The following DLC1 variants were observed in gnomAD, a reference collection of about 807,000 sequenced individuals.
DLC1 encodes the protein DLC1 Rho GTPase activating protein.
DLC1 carries 54 observed loss-of-function variants against 140.3 expected under a neutral mutation model. That is an observed-to-expected ratio of 0.38 (90% CI 0.31 to 0.48). The LOEUF is 0.48. Ranked by LOEUF, DLC1 falls within the 20% of genes least tolerant of loss-of-function variation. The pLI is 0.96. For missense variants in DLC1, 2,536 were observed against 1,907.0 expected, an observed-to-expected ratio of 1.33 and a Z score of -6.14; for synonymous variants, 986 against 728.1, an observed-to-expected ratio of 1.35 and a Z score of -5.70.
chr8:13,321,223 C>G (rs1204261995), intron 4 of DLC1, among the ~76,000 whole-genome samples: 1 of 152,124 alleles, frequency 6.6e-6, no homozygotes, highest in African/African-American at 2.4e-5. Flanking sequence ...TATAGAAAAA[C>G]TGGAGAGTAT....
At chr8:13,101,892 G>A (rs537604876) in intron 8 of DLC1, among the ~76,000 whole-genome samples, 1 of 152,274 alleles carries the variant, frequency 6.6e-6, no homozygotes, top group African/African-American at 2.4e-5. Flanking sequence ...ATATCAAAGG[G>A]CACAATTCGG....
At chr8:13,486,918 A>G (rs1343831811) in intron 2 of DLC1, among the ~76,000 whole-genome samples, 9 of 152,212 alleles carry the variant, frequency 5.9e-5, no homozygotes, top group Admixed American at 4.6e-4. Context: ...CATTCTGTAC[A>G]CAAGAAATTG....
intron 4 of DLC1, among the ~76,000 whole-genome samples, chr8:13,317,913 G>T (rs1196194680): frequency 1.3e-5 from 2 of 152,144 alleles, no homozygotes; most frequent in Non-Finnish European, 2.9e-5. Context: ...CTGTGACATG[G>T]GGGAATAGGC....
intron 2 of DLC1, among the ~76,000 whole-genome samples, chr8:13,461,378 G>A (rs1799649408): frequency 1.3e-5 from 2 of 152,154 alleles, no homozygotes; most frequent in Admixed American, 1.3e-4. Flanking sequence ...TTACAAACAT[G>A]TACAGGAGCT....
At chr8:13,230,492 G>T (rs1161370867) in intron 5 of DLC1, among the ~76,000 whole-genome samples, 1 of 152,144 alleles carries the variant, frequency 6.6e-6, no homozygotes, top group Non-Finnish European at 1.5e-5. Context: ...CCTCTTTCAG[G>T]TTTTGATAAC....
chr8:13,180,612 C>G (rs1204634591), intron 5 of DLC1, among the ~76,000 whole-genome samples: 1 of 151,928 alleles, frequency 6.6e-6, no homozygotes, highest in Non-Finnish European at 1.5e-5. Context: ...GAGTTTCTTA[C>G]AGTGCATCAT....
intron 1 of DLC1, among the ~76,000 whole-genome samples, chr8:13,514,273 A>G (rs900982675): frequency 3.3e-5 from 5 of 152,180 alleles, no homozygotes; most frequent in African/African-American, 1.2e-4. Flanking sequence ...GAGAAAATGT[A>G]TTTGTTTCAC....
intron 5 of DLC1, among the ~76,000 whole-genome samples, chr8:13,159,859 A>G (rs1395431041): frequency 7.0e-6 from 1 of 143,144 alleles, no homozygotes; most frequent in Non-Finnish European, 1.6e-5. Flanking sequence ...CCTGGTTTGA[A>G]AAAAAAAAAA....
At chr8:13,478,567 G>A (rs528365816) in intron 2 of DLC1, among the ~76,000 whole-genome samples, 75 of 152,258 alleles carry the variant, frequency 4.9e-4, no homozygotes, top group African/African-American at 1.7e-3. Flanking sequence ...CCCGTTAAGG[G>A]ATGAACTCTT....
rs561800654 is a variant in DLC1 at position 13,544,050 on chromosome 8, G to A, written c.-125-43854C>T. On this transcript the variant is annotated intron_variant, in intron 1 of 1. Transcript: ENST00000631382. ...AAATGAACAATTTGATTAAAAATAA[G>A]CTTAAAATGATAAAAATAATGGTTT... 2.6e-5 allele frequency among the ~76,000 whole-genome samples: 4 copies of A among 151,724 alleles called. No individual in the cohort carries two copies. In the South Asian group the frequency reaches 6.3e-4, roughly 24 times the overall value.
chr8:13,437,452 C>T (rs556638346), intron 2 of DLC1, among the ~76,000 whole-genome samples: 29 of 152,260 alleles, frequency 1.9e-4, no homozygotes, highest in Middle Eastern at 3.4e-3. Flanking sequence ...ACATAGAGTT[C>T]GATCGTATGC....
intron 5 of DLC1, among the ~76,000 whole-genome samples, chr8:13,123,055 G>A (rs1821235210): frequency 6.6e-6 from 1 of 152,160 alleles, no homozygotes; most frequent in Non-Finnish European, 1.5e-5. Context: ...AAGCCAAGTG[G>A]AAAGGAAATT....
chr8:13,163,397 T>C (rs1301468818), intron 5 of DLC1, among the ~76,000 whole-genome samples: 1 of 152,072 alleles, frequency 6.6e-6, no homozygotes, highest in Admixed American at 6.5e-5. Flanking sequence ...ATGAAATAAT[T>C]TTGAAAATGG....
At chr8:13,334,899 C>G (rs924845419) in intron 4 of DLC1, among the ~76,000 whole-genome samples, 1 of 152,194 alleles carries the variant, frequency 6.6e-6, no homozygotes, top group Non-Finnish European at 1.5e-5. Flanking sequence ...GGCAATAGCT[C>G]ATTTATGCCT....
chr8:13,285,971 G>A (rs80213636), intron 5 of DLC1, among the ~76,000 whole-genome samples: 8,682 of 152,144 alleles, frequency 0.057, 319 homozygotes, highest in South Asian at 0.089. Flanking sequence ...TAGATGTGAT[G>A]ATGAAAAGCA....
chr8:13,196,576 T>A (rs1256536209), intron 5 of DLC1, among the ~76,000 whole-genome samples: 1 of 152,214 alleles, frequency 6.6e-6, no homozygotes, highest in African/African-American at 2.4e-5. Flanking sequence ...TGTGGTTCTA[T>A]GATTCTTAAT....
rs1276258776 is a variant in DLC1 at position 13,471,905 on chromosome 8, G to T, written c.1023+27144C>A. 2.6e-5 allele frequency among the ~76,000 whole-genome samples: 4 copies of T among 152,152 alleles called. No homozygotes were observed. The South Asian group carries it at 8.3e-4, about 32-fold the overall frequency. On this transcript the variant is annotated intron_variant, in intron 2 of 17. Transcript: ENST00000276297. ...CTCTTCCCCAGAAGGAGATCTCAAG[G>T]CCGAGGAGCAGCCATGGAGCTCTCC...
chr8:13,381,689 A>G (rs1425685484), intron 4 of DLC1, among the ~76,000 whole-genome samples: 2 of 152,002 alleles, frequency 1.3e-5, no homozygotes, highest in South Asian at 4.2e-4. Flanking sequence ...GAGCCAGTCA[A>G]CCCCCAACTG....
intron 5 of DLC1, among the ~76,000 whole-genome samples, chr8:13,259,369 A>C (rs967186113): frequency 1.3e-5 from 2 of 151,232 alleles, no homozygotes; most frequent in African/African-American, 4.9e-5. Context: ...TTAAAATTTT[A>C]CACGATCTTA....
Sources: gnomAD v4.1 joint callset for allele counts (sites outside exome capture counted in the v4.1 genomes callset) on GRCh38, gnomAD v4.1.1 for gene constraint, MANE v1.5 for transcripts, NCBI Gene and HGNC (gene_info 2026-07-23, HGNC 2026-07-21) for gene names.